HELZ: variants seen among roughly 807,000 people sequenced by gnomAD.
HELZ encodes ATP-dependent RNA helicase with zinc finger domain.
In HELZ, 23 loss-of-function variants were observed where a neutral mutation model predicts 218.2. The ratio of observed to expected loss-of-function variants is 0.11; its 90% CI spans 0.08 to 0.15. HELZ has a LOEUF of 0.15. Among genes scored for constraint, HELZ ranks in the 10% least tolerant of loss-of-function variants. HELZ has a pLI of 1.00. For synonymous variants in HELZ, 814 were observed against 829.4 expected, an observed-to-expected ratio of 0.98 and a Z score of 0.32; for missense variants, 1,813 against 2,353.7, an observed-to-expected ratio of 0.77 and a Z score of 4.75.
At chr17:67,220,030 A>G (rs953209660) in intron 3 of HELZ, among the ~76,000 whole-genome samples, 6 of 152,158 alleles carry the variant, frequency 3.9e-5, no homozygotes, top group Non-Finnish European at 5.9e-5. Flanking sequence ...CCGTGCCTGC[A>G]TCCACCTTCT....
intron 4 of HELZ, among the ~76,000 whole-genome samples, chr17:67,218,082 G>A (rs1311216255): frequency 2.0e-5 from 3 of 151,794 alleles, no homozygotes; most frequent in Non-Finnish European, 2.9e-5. Context: ...TTATAGGCAC[G>A]CGCTACCACG....
At chr17:67,119,334 C>T (rs2037527323) in intron 27 of HELZ, among the ~76,000 whole-genome samples, 1 of 152,146 alleles carries the variant, frequency 6.6e-6, no homozygotes, top group African/African-American at 2.4e-5. Flanking sequence ...ACAACTGACA[C>T]ATATAATCTG....
At chr17:67,203,823 G>A (rs1290405650) in intron 5 of HELZ, among the ~76,000 whole-genome samples, 1 of 152,202 alleles carries the variant, frequency 6.6e-6, no homozygotes, top group Non-Finnish European at 1.5e-5. Context: ...CCATTAAAAT[G>A]AGTAAGAACA....
intron 9 of HELZ, among the ~76,000 whole-genome samples, chr17:67,193,122 T>C (rs570963938): frequency 6.6e-6 from 1 of 151,554 alleles, no homozygotes; most frequent in African/African-American, 2.4e-5. Context: ...GCAGGAGGAT[T>C]GCTTGAGCTC....
intron 17 of HELZ, 125 bp from the exon 18 acceptor site, chr17:67,151,349 C>T: frequency 1.4e-6 from 1 of 730,670 alleles, no homozygotes; most frequent in Admixed American, 2.9e-5. Flanking sequence ...AATCTGGTAA[C>T]CGTTAGCACT....
rs536335549 is a variant in HELZ at position 67,108,027 on chromosome 17, G to A, written c.4725-342C>T. Among the ~76,000 whole-genome samples the A allele has an allele frequency of 1.3e-5, 2 of 152,252 alleles. No individual in the cohort carries two copies. Among genetic ancestry groups the A allele is most frequent in the East Asian group, 3.9e-4 (2 of 5,186 alleles). On this transcript the variant is annotated intron_variant, in intron 30 of 32. Transcript: ENST00000358691. This position sits in a 1 kb window ranked among gnomAD's most constrained non-coding sequence, Gnocchi z 4.1. ...ACTTCAGAGCATTCATGTGACACTG[G>A]CCACAAAAACAAGCTTAGAGTTAGG...
At chr17:67,081,820 AGGTACAG>A (rs1163728894) in intron 32 of HELZ, among the ~76,000 whole-genome samples, 2 of 152,216 alleles carry the variant, frequency 1.3e-5, no homozygotes, top group African/African-American at 4.8e-5. Flanking sequence ...AGGGGGGTGC[AGGTACAG>A]ACAGAGAGGG....
At chr17:67,243,476 G>A (rs1182902282) in intron 2 of HELZ, among the ~76,000 whole-genome samples, 6 of 152,134 alleles carry the variant, frequency 3.9e-5, no homozygotes, top group East Asian at 3.8e-4. Flanking sequence ...GTAAAGTTAC[G>A]CAAGAAAATT....
At chr17:67,133,477 G>A (rs2038050714) in intron 23 of HELZ, among the ~76,000 whole-genome samples, 1 of 152,144 alleles carries the variant, frequency 6.6e-6, no homozygotes, top group South Asian at 2.1e-4. Context: ...TATATTTGGA[G>A]TTATTTATAA....
intron 3 of HELZ, among the ~76,000 whole-genome samples, chr17:67,222,209 A>G (rs910891181): frequency 2.0e-5 from 3 of 152,166 alleles, no homozygotes; most frequent in Admixed American, 2.0e-4. Context: ...GTATTATTCT[A>G]TGTAATTACT....
intron 27 of HELZ, among the ~76,000 whole-genome samples, chr17:67,117,627 G>A (rs2037467640): frequency 6.7e-6 from 1 of 149,092 alleles, no homozygotes; most frequent in Non-Finnish European, 1.5e-5. Flanking sequence ...TCGGCTCACT[G>A]CAACCTCTGC....
intron 5 of HELZ, among the ~76,000 whole-genome samples, chr17:67,214,728 G>GA (rs2040551498): frequency 6.6e-6 from 1 of 152,130 alleles, no homozygotes; most frequent in South Asian, 2.1e-4. Context: ...ACGTGTGTGA[G>GA]AATGTACAGT....
rs369270639 is a variant in HELZ, at chr17:67,108,639, C to G, written c.4577G>C (p.Ser1526Thr). 2 of 1,613,974 alleles carry G rather than the reference C, an allele frequency of 1.2e-6. No individual in the cohort carries two copies. Among genetic ancestry groups the G allele is most frequent in the Non-Finnish European group, 1.7e-6 (2 of 1,179,992 alleles). Reference sequence around the variant, plus strand: ...GTGTGGGTATGGAGCGCTGCCCTGACTGAGAAAGGCATGATGCTCGCTCCA... The same window carrying G: ...GTGTGGGTATGGAGCGCTGCCCTGAGTGAGAAAGGCATGATGCTCGCTCCA... ...QQWSEHHAFL[S>T]QGSAPYPHHH... is the part of the protein sequence containing the mutation. Residue 1526 changes from serine to threonine, a missense_variant, in exon 30 of 33, where the codon AGT becomes ACT. By Grantham distance (58) the Ser-to-Thr change is moderately conservative (BLOSUM62 1). Around this residue, in one of 4 missense-constraint regions of HELZ, gnomAD observed 938 missense variants for 1,027.5 expected, o/e 0.91. Coordinates refer to ENST00000358691, the MANE Select transcript of HELZ (RefSeq NM_014877.4). This position sits in a 1 kb window ranked among gnomAD's most constrained non-coding sequence, Gnocchi z 4.1.
intron 31 of HELZ, among the ~76,000 whole-genome samples, chr17:67,089,692 GAGAGAGAGAC>G (rs1338911567): frequency 7.4e-6 from 1 of 135,694 alleles, no homozygotes; most frequent in African/African-American, 3.0e-5. Context: ...GAGAGAGAGA[GAGAGAGAGAC>G]AGAGAGACAG....
upstream of HELZ, chr17:67,245,571 T>G: frequency 6.3e-6 from 6 of 959,878 alleles, no homozygotes; most frequent in Non-Finnish European, 7.4e-6. Flanking sequence ...GATTTATTTG[T>G]GCGCGTGGAT....
intron 3 of HELZ, among the ~76,000 whole-genome samples, chr17:67,222,966 G>C (rs972432823): frequency 3.9e-5 from 6 of 152,186 alleles, no homozygotes; most frequent in Middle Eastern, 3.4e-3. Flanking sequence ...GACTAAGTGA[G>C]GCCGGGCACG....
chr17:67,119,294 C>T (rs1050608957), intron 27 of HELZ, among the ~76,000 whole-genome samples: 1 of 152,112 alleles, frequency 6.6e-6, no homozygotes, highest in Admixed American at 6.5e-5. Context: ...TACATCCATA[C>T]AACTGAATAC....
rs528666795 is a variant in HELZ at position 67,073,540 on chromosome 17, G to A, written c.*4712C>T. ...CACTCCAGTTTTAGACGCTTTAGAC[G>A]ACCACTGCGGAACTGGGTTTGGTAT... On this transcript the variant is annotated 3_prime_UTR_variant, in exon 33 of 33. Coordinates refer to ENST00000358691, the MANE Select transcript of HELZ (RefSeq NM_014877.4). 1 of 152,202 alleles carries A rather than the reference G, an allele frequency of 6.6e-6. No individual in the cohort carries two copies. Among genetic ancestry groups the A allele is most frequent in the East Asian group, 1.9e-4 (1 of 5,178 alleles). The allele number at this position is 152,202 out of a possible 1,614,324, so 9.4% of individuals were successfully genotyped here. A position where few individuals can be genotyped will look rare whatever the true frequency, so the allele number is the denominator to read the frequency against.
intron 15 of HELZ, among the ~76,000 whole-genome samples, chr17:67,163,542 G>T (rs534722613): frequency 4.6e-5 from 7 of 151,938 alleles, no homozygotes; most frequent in Non-Finnish European, 1.0e-4. Context: ...GGGACTACAG[G>T]TGCCCACCAC....
Sources: allele counts gnomAD v4.1 joint callset (sites outside exome capture counted in the v4.1 genomes callset), GRCh38; gene constraint gnomAD v4.1.1; regional missense constraint gnomAD v4.1.1; non-coding constraint Gnocchi (gnomAD v3.1); transcripts MANE v1.5; gene names NCBI Gene and HGNC (gene_info 2026-07-23, HGNC 2026-07-21).